Variants in SPECC1 observed in about 807,000 individuals in gnomAD.
SPECC1 encodes sperm antigen with calponin homology and coiled-coil domains 1.
SPECC1 carries 62 observed loss-of-function variants against 104.1 expected under a neutral mutation model. That is an observed-to-expected ratio of 0.60 (90% confidence interval 0.49 to 0.74). The LOEUF is 0.74. Ranked by LOEUF, SPECC1 falls within the 30% of genes least tolerant of loss-of-function variation. The pLI is 0.00. For synonymous variants in SPECC1, 513 were observed against 501.6 expected, an observed-to-expected ratio of 1.02 and a Z score of -0.30; for missense variants, 1,306 against 1,310.5, an observed-to-expected ratio of 1.00 and a Z score of 0.05.
chr17:20,207,226 G>T (rs1025153639), intron 4 of SPECC1, among the ~76,000 whole-genome samples: 3 of 152,130 alleles, frequency 2.0e-5, no homozygotes, highest in Non-Finnish European at 2.9e-5. Context: ...CCACTGCTTC[G>T]TCTGTCTTAA....
intron 7 of SPECC1, chr17:20,237,288 T>C (rs1343600477): frequency 2.7e-6 from 3 of 1,093,512 alleles, no homozygotes; most frequent in Non-Finnish European, 2.2e-6. Context: ...TTGTTTTTTG[T>C]TGTTGTTGTT....
chr17:20,049,329 G>T (rs372489253), intron 1 of SPECC1, among the ~76,000 whole-genome samples: 1 of 152,046 alleles, frequency 6.6e-6, no homozygotes, highest in African/African-American at 2.4e-5. Flanking sequence ...AGCCAGGTGC[G>T]GTGGGGCACA....
intron 3 of SPECC1, among the ~76,000 whole-genome samples, chr17:20,177,277 G>T (rs1233613679): frequency 2.0e-5 from 3 of 152,208 alleles, no homozygotes; most frequent in South Asian, 2.1e-4. Context: ...GTTAAAACTA[G>T]AATGTGCTGT....
chr17:20,196,199 T>C (rs1407347468), intron 3 of SPECC1, among the ~76,000 whole-genome samples: 2 of 152,262 alleles, frequency 1.3e-5, no homozygotes, highest in African/African-American at 2.4e-5. Flanking sequence ...AAATATATTC[T>C]ACTTTCCTTA....
chr17:20,227,033 A>T (rs1371899265), intron 4 of SPECC1, among the ~76,000 whole-genome samples: 1 of 131,190 alleles, frequency 7.6e-6, no homozygotes, highest in Admixed American at 7.6e-5. Flanking sequence ...TCTCCCAGGG[A>T]AGCACTGCTC....
chr17:20,259,668 G>A (rs2039956056), intron 11 of SPECC1, among the ~76,000 whole-genome samples: 1 of 151,834 alleles, frequency 6.6e-6, no homozygotes, highest in African/African-American at 2.4e-5. Flanking sequence ...ACCATGCCCA[G>A]CTAATTTTTT....
intron 6 of SPECC1, 27 bp downstream of exon 6, chr17:20,231,858 A>G (rs56020655): frequency 0.067 from 107,776 of 1,608,390 alleles, 4,000 homozygotes; most frequent in Non-Finnish European, 0.077. Flanking sequence ...AGCCTTCACC[A>G]CCATCTTCCT....
rs142884728 is a variant in SPECC1, at chr17:20,288,188, A to G, written c.2941-8773A>G. Among the ~76,000 whole-genome samples the G allele has an allele frequency of 3.3e-3, 503 of 152,262 alleles. 4 individuals carry two copies. The highest frequency in any genetic ancestry group is 0.011 in the African/African-American group (473 of 41,540). ...GTACCACATTTTCTTTATTCAGTCT[A>G]TCACTGATGGGCATTTGGGTTGATT... On this transcript the variant is annotated intron_variant, in intron 12 of 14. Coordinates refer to ENST00000395527, the MANE Select transcript of SPECC1 (RefSeq NM_001243439.2).
At chr17:20,019,587 A>G (rs2044291036) in intron 1 of SPECC1, among the ~76,000 whole-genome samples, 1 of 152,190 alleles carries the variant, frequency 6.6e-6, no homozygotes, top group African/African-American at 2.4e-5. Flanking sequence ...CTTTATCTGC[A>G]AATTCCATGA....
Position 20,206,910 on chromosome 17 carries a change from A to C in SPECC1, c.1863+998A>C, listed in dbSNP as rs976403428. Among the ~76,000 whole-genome samples, 3 of 152,084 alleles carry C rather than the reference A, an allele frequency of 2.0e-5. No individual in the cohort carries two copies. In the East Asian group the frequency reaches 5.8e-4, roughly 29 times the overall value. On this transcript the variant is annotated intron_variant, in intron 4 of 14. Coordinates refer to ENST00000395527, the MANE Select transcript of SPECC1 (RefSeq NM_001243439.2). ...ATCTGTTAATCATTTCATTTTTTTAACCTTTTTTGCTTGGGAAGATCTTCC... is the reference window on the plus strand; with the variant it reads ...ATCTGTTAATCATTTCATTTTTTTACCCTTTTTTGCTTGGGAAGATCTTCC...
At position 20,317,259 on chromosome 17, in the gene SPECC1, A is replaced by ATTTTGTTTTTTTTTTTTTTT. The variant is rs2042053023; in HGVS notation, c.*3198_*3199insGTTTTTTTTTTTTTTTTTTT. 1 of 69,506 alleles carries ATTTTGTTTTTTTTTTTTTTT rather than the reference A, an allele frequency of 1.4e-5. No individual in the cohort carries two copies. The highest frequency in any genetic ancestry group is 2.3e-5 in the Non-Finnish European group (1 of 42,610). 4.3% of individuals were successfully genotyped at this position (69,506 alleles called of 1,614,324 possible). ...GCAAGACCTCTGACTCTATAAAAAAATTTTTTTTTTTTTTTTTTTTTGAGA... is the reference window on the plus strand; with the variant it reads ...GCAAGACCTCTGACTCTATAAAAAAATTTTGTTTTTTTTTTTTTTTTTTTTTTTTTTTTTTTTTTTTGAGA... On this transcript the variant is annotated 3_prime_UTR_variant, in exon 15 of 15. Transcript: ENST00000395527.
rs1288384732 is a variant in SPECC1 at position 20,205,500 on chromosome 17, T to TA, written c.1452dup (p.Leu485ThrfsTer10). On this transcript the variant is annotated frameshift_variant, in exon 4 of 15. Coordinates refer to ENST00000395527, the MANE Select transcript of SPECC1 (RefSeq NM_001243439.2). LOFTEE classifies it high-confidence loss of function. ...CAGGGCCGCTTTGAAAGAGAGAAGC[T>TA]ACTCAACATTCAGCAGCAGTTGACC... 1 of 1,614,164 alleles carries TA rather than the reference T, an allele frequency of 6.2e-7. No homozygotes were observed. Among genetic ancestry groups the TA allele is most frequent in the Non-Finnish European group, 8.5e-7 (1 of 1,180,034 alleles).
chr17:20,220,015 A>G (rs1022849208), intron 4 of SPECC1, among the ~76,000 whole-genome samples: 1 of 151,944 alleles, frequency 6.6e-6, no homozygotes, highest in Non-Finnish European at 1.5e-5. Context: ...TGGATTCTCT[A>G]TTCTATTTCA....
chr17:20,189,597 C>T (rs764458670), intron 3 of SPECC1, among the ~76,000 whole-genome samples: 8 of 152,226 alleles, frequency 5.3e-5, no homozygotes, highest in Non-Finnish European at 1.2e-4. Flanking sequence ...GCCCTATCTC[C>T]CCTGCATCCT....
intron 10 of SPECC1, among the ~76,000 whole-genome samples, chr17:20,253,790 C>CT (rs35737086): frequency 2.0e-5 from 3 of 152,136 alleles, no homozygotes; most frequent in African/African-American, 7.2e-5. Context: ...GCCAGCTGCA[C>CT]TTCTCAGTGC....
intron 4 of SPECC1, among the ~76,000 whole-genome samples, chr17:20,218,247 T>C (rs958048245): frequency 2.6e-5 from 4 of 152,180 alleles, no homozygotes; most frequent in Non-Finnish European, 4.4e-5. Context: ...CCAGGCACTA[T>C]GATAAACTCT....
chr17:20,202,547 T>C (rs894104225), intron 3 of SPECC1, among the ~76,000 whole-genome samples: 18 of 152,232 alleles, frequency 1.2e-4, no homozygotes, highest in African/African-American at 4.1e-4. Flanking sequence ...TGTAAACTTA[T>C]GGTATTGATA....
chr17:20,156,092 AC>A (rs1474380633), intron 3 of SPECC1: 20 of 1,342,930 alleles, frequency 1.5e-5, no homozygotes, highest in Middle Eastern at 2.8e-4. Flanking sequence ...ACTGGAGCGG[AC>A]CCGCCGGACG....
At chr17:20,211,115 C>A (rs2037119265) in intron 4 of SPECC1, among the ~76,000 whole-genome samples, 1 of 152,196 alleles carries the variant, frequency 6.6e-6, no homozygotes, top group South Asian at 2.1e-4. Flanking sequence ...TCAGAGGATT[C>A]AGATGTGCAG....
Sources: gnomAD v4.1 joint callset for allele counts (sites outside exome capture counted in the v4.1 genomes callset) on GRCh38, gnomAD v4.1.1 for gene constraint, MANE v1.5 for transcripts, NCBI Gene and HGNC (gene_info 2026-07-23, HGNC 2026-07-21) for gene names.